PDE3A: variants seen among roughly 807,000 people sequenced by gnomAD.
PDE3A encodes cGMP-inhibited 3',5'-cyclic phosphodiesterase 3A.
Under a neutral mutation model 98.3 loss-of-function variants are expected in PDE3A, and 43 were observed. That is an observed-to-expected ratio of 0.44 (90% CI 0.34 to 0.56). The LOEUF (loss-of-function observed/expected upper bound fraction) is 0.56, where lower values mean the gene tolerates loss of function less well. Ranked by LOEUF, PDE3A falls within the 20% of genes least tolerant of loss-of-function variation. PDE3A has a pLI of 0.01. For missense variants in PDE3A, 1,427 were observed against 1,440.7 expected (o/e 0.99, Z 0.15); for synonymous variants, 663 against 567.9 (o/e 1.17, Z -2.38).
intron 2 of PDE3A, among the ~76,000 whole-genome samples, chr12:20,599,217 G>GC (rs1476218530): frequency 2.6e-5 from 4 of 151,928 alleles, no homozygotes; most frequent in African/African-American, 4.8e-5. Flanking sequence ...TTTCTGCTCT[G>GC]CCCCCCACTT....
intron 1 of PDE3A, among the ~76,000 whole-genome samples, chr12:20,395,767 G>A (rs930264153): frequency 2.0e-5 from 3 of 150,642 alleles, no homozygotes; most frequent in African/African-American, 7.3e-5. Flanking sequence ...AATTTGGGGA[G>A]ACCTATAGAG....
chr12:20,501,921 A>T (rs1163334386), intron 1 of PDE3A, among the ~76,000 whole-genome samples: 1 of 152,186 alleles, frequency 6.6e-6, no homozygotes, highest in Non-Finnish European at 1.5e-5. Context: ...GATATTAAAT[A>T]TATACAGACT....
At chr12:20,502,769 T>C (rs1002174953) in intron 1 of PDE3A, among the ~76,000 whole-genome samples, 1 of 152,140 alleles carries the variant, frequency 6.6e-6, no homozygotes, top group African/African-American at 2.4e-5. Context: ...TTTCCATGGA[T>C]TGAGGAAATA....
At chr12:20,647,364 A>T (rs762453119) in intron 12 of PDE3A, among the ~76,000 whole-genome samples, 1 of 152,138 alleles carries the variant, frequency 6.6e-6, no homozygotes, top group Non-Finnish European at 1.5e-5. Context: ...AACAATTATG[A>T]TTCTTATGAC....
chr12:20,426,261 C>T (rs12367138), intron 1 of PDE3A, among the ~76,000 whole-genome samples: 6 of 151,984 alleles, frequency 3.9e-5, no homozygotes, highest in East Asian at 3.9e-4. Flanking sequence ...TTGCTGGCTC[C>T]GAATGAGAAC....
intron 1 of PDE3A, among the ~76,000 whole-genome samples, chr12:20,405,864 A>G (rs962542747): frequency 2.6e-5 from 4 of 152,150 alleles, no homozygotes; most frequent in Non-Finnish European, 4.4e-5. Flanking sequence ...GAAAGTTTCT[A>G]CCTTTGGACC....
At position 20,682,825 on chromosome 12, in the gene PDE3A, A is replaced by G. The variant is rs1945828869; in HGVS notation, c.*2554A>G. 6.6e-6 allele frequency: 1 copy of G among 152,170 alleles called. No homozygotes were observed. The highest frequency in any genetic ancestry group is 6.5e-5 in the Admixed American group (1 of 15,276). The allele number at this position is 152,170 out of a possible 1,614,324, so 9.4% of individuals were successfully genotyped here. On this transcript the variant is annotated 3_prime_UTR_variant, in exon 16 of 16. Transcript: ENST00000359062. ...CCAAATGCGTCCATCTCTAACATAA[A>G]TATTAATTGAACATAGAGCTATGTT... is the stretch of plus-strand genomic sequence containing the variant.
chr12:20,444,254 C>G (rs578044169), intron 1 of PDE3A, among the ~76,000 whole-genome samples: 1 of 152,286 alleles, frequency 6.6e-6, no homozygotes, highest in South Asian at 2.1e-4. Flanking sequence ...TCCCTGCTCT[C>G]TAGCTCCTGA....
intron 10 of PDE3A, among the ~76,000 whole-genome samples, chr12:20,645,646 C>G (rs56098555): frequency 6.6e-6 from 1 of 151,948 alleles, no homozygotes; most frequent in African/African-American, 2.4e-5. Flanking sequence ...AAGAATTGCA[C>G]AGAAAAGGAA....
intron 14 of PDE3A, among the ~76,000 whole-genome samples, chr12:20,652,067 T>G: frequency 6.6e-6 from 1 of 152,090 alleles, no homozygotes; most frequent in African/African-American, 2.4e-5. Context: ...TGGTTTCCAG[T>G]TTCATCCATG....
At chr12:20,533,325 A>T (rs1941659169) in intron 1 of PDE3A, among the ~76,000 whole-genome samples, 2 of 151,842 alleles carry the variant, frequency 1.3e-5, no homozygotes, top group Admixed American at 6.6e-5. Context: ...ATGGTTATCC[A>T]TGTTCCCTAT....
intron 2 of PDE3A, among the ~76,000 whole-genome samples, chr12:20,575,890 A>G (rs1220211943): frequency 2.6e-5 from 4 of 151,892 alleles, no homozygotes; most frequent in Non-Finnish European, 5.9e-5. Context: ...AAAATGTAGC[A>G]CAAAACCCAA....
intron 13 of PDE3A, 26 bp downstream of exon 13, chr12:20,648,917 TTTTCTTTTTC>T (rs755274126): frequency 1.1e-5 from 12 of 1,099,544 alleles, no homozygotes; most frequent in Admixed American, 6.0e-5. Context: ...CCCAGTTTTC[TTTTCTTTTTC>T]TTTTTTTTTT....
intron 1 of PDE3A, among the ~76,000 whole-genome samples, chr12:20,469,305 A>AT (rs569293196): frequency 7.8e-4 from 118 of 152,240 alleles, no homozygotes; most frequent in African/African-American, 2.8e-3. Context: ...TCCAAGATCC[A>AT]TTTTTGCCTG....
chr12:20,601,603 G>T (rs1213608914), intron 2 of PDE3A, among the ~76,000 whole-genome samples: 1 of 152,100 alleles, frequency 6.6e-6, no homozygotes, highest in African/African-American at 2.4e-5. Flanking sequence ...TTTCTAATAT[G>T]TCTTATAAAA....
rs1016348369 is a variant in PDE3A, at chr12:20,684,079, A to G, written c.*3808A>G. On this transcript the variant is annotated 3_prime_UTR_variant, in exon 16 of 16. Transcript: ENST00000359062. Reference sequence around the variant, plus strand: ...AAGTATAAAAATTATCATTATAAATAAAGTCTAAAGTTTGAAATTATTAAT... The same window carrying G: ...AAGTATAAAAATTATCATTATAAATGAAGTCTAAAGTTTGAAATTATTAAT... 6.6e-6 allele frequency: 1 copy of G among 152,168 alleles called. No individual in the cohort carries two copies. The highest frequency in any genetic ancestry group is 1.5e-5 in the Non-Finnish European group (1 of 68,002). 9.4% of individuals were successfully genotyped at this position (152,168 alleles called of 1,614,324 possible). A position where few individuals can be genotyped will look rare whatever the true frequency, so the allele number is the denominator to read the frequency against.
chr12:20,622,641 T>C (rs953217262), intron 5 of PDE3A, among the ~76,000 whole-genome samples: 41 of 152,194 alleles, frequency 2.7e-4, no homozygotes, highest in African/African-American at 9.4e-4. Flanking sequence ...AATACTTAAA[T>C]TGAGATATTC....
chr12:20,601,990 G>C (rs927738882), intron 2 of PDE3A, among the ~76,000 whole-genome samples: 4 of 152,150 alleles, frequency 2.6e-5, no homozygotes, highest in African/African-American at 9.7e-5. Context: ...TCAGCTTTCT[G>C]AGTTCGTACT....
chr12:20,386,092 TATATATAAATATATATATAA>T (rs1943773988), intron 1 of PDE3A, among the ~76,000 whole-genome samples: 1 of 15,730 alleles, frequency 6.4e-5, no homozygotes, highest in South Asian at 2.1e-3. Flanking sequence ...AATATATAAA[TATATATAAATATATATATAA>T]ATATATATAA....
Sources: gnomAD v4.1 joint callset for allele counts (sites outside exome capture counted in the v4.1 genomes callset) on GRCh38, gnomAD v4.1.1 for gene constraint, MANE v1.5 for transcripts, NCBI Gene and HGNC (gene_info 2026-07-23, HGNC 2026-07-21) for gene names.